Variants in BTBD9 observed in about 807,000 individuals in gnomAD.
BTBD9 encodes BTB domain containing 9.
Under a neutral mutation model 64.3 loss-of-function variants are expected in BTBD9, and 49 were observed. The observed-to-expected ratio is 0.76, with a 90% CI of 0.61 to 0.97. BTBD9 has a LOEUF of 0.97. Among genes scored for constraint, BTBD9 ranks in the 50% least tolerant of loss-of-function variants. BTBD9 has a pLI of 0.00. For missense variants in BTBD9, 598 were observed against 762.1 expected (o/e 0.78, Z 2.53); for synonymous variants, 260 against 274.7 (o/e 0.95, Z 0.53).
chr6:38,180,495 A>C (rs925161975), intron 10 of BTBD9, among the ~76,000 whole-genome samples: 2 of 152,164 alleles, frequency 1.3e-5, no homozygotes, highest in Non-Finnish European at 2.9e-5. Context: ...CAAGCTCCTC[A>C]GCCCACTTCT....
intron 6 of BTBD9, among the ~76,000 whole-genome samples, chr6:38,546,542 C>T (rs563056202): frequency 6.6e-6 from 1 of 152,206 alleles, no homozygotes; most frequent in Non-Finnish European, 1.5e-5. Flanking sequence ...CCATTTTGAG[C>T]AAGTATATTA....
chr6:38,410,306 A>T (rs969467473), intron 6 of BTBD9, among the ~76,000 whole-genome samples: 1 of 151,890 alleles, frequency 6.6e-6, no homozygotes, highest in African/African-American at 2.4e-5. Context: ...AGACCCCCAC[A>T]TCTACAAAAA....
intron 6 of BTBD9, among the ~76,000 whole-genome samples, chr6:38,501,584 A>G (rs1232397518): frequency 6.6e-6 from 1 of 152,150 alleles, no homozygotes; most frequent in African/African-American, 2.4e-5. Context: ...CCCTTGGTGT[A>G]TAAGAGAGCA....
At chr6:38,479,699 G>A (rs1449751328) in intron 6 of BTBD9, among the ~76,000 whole-genome samples, 5 of 152,134 alleles carry the variant, frequency 3.3e-5, no homozygotes, top group Admixed American at 2.6e-4. Context: ...CAAGCCTCAA[G>A]TTATAGGGGG....
chr6:38,548,142 T>A (rs1159271074), intron 6 of BTBD9, among the ~76,000 whole-genome samples: 1 of 152,204 alleles, frequency 6.6e-6, no homozygotes, highest in Non-Finnish European at 1.5e-5. Flanking sequence ...TTGCAGCAAA[T>A]CTATAAGTAT....
chr6:38,359,861 G>T (rs1021455381), intron 6 of BTBD9, among the ~76,000 whole-genome samples: 1 of 151,530 alleles, frequency 6.6e-6, no homozygotes, highest in African/African-American at 2.4e-5. Flanking sequence ...TTCATCACTT[G>T]ATCTCTCCTA....
At chr6:38,535,147 C>G (rs867528228) in intron 6 of BTBD9, among the ~76,000 whole-genome samples, 9 of 152,172 alleles carry the variant, frequency 5.9e-5, no homozygotes, top group Non-Finnish European at 1.0e-4. Context: ...ACTATTAGAA[C>G]TGATCAATTC....
chr6:38,303,455 T>C (rs949049038), intron 7 of BTBD9, among the ~76,000 whole-genome samples: 1 of 152,136 alleles, frequency 6.6e-6, no homozygotes, highest in Non-Finnish European at 1.5e-5. Flanking sequence ...CTTAACACTG[T>C]TTTTATGAAA....
chr6:38,303,851 A>G (rs1177039756), intron 7 of BTBD9, among the ~76,000 whole-genome samples: 20 of 110,586 alleles, frequency 1.8e-4, no homozygotes, highest in African/African-American at 7.5e-4. Context: ...ATATATATAT[A>G]TATATATATA....
intron 7 of BTBD9, among the ~76,000 whole-genome samples, chr6:38,292,456 T>A (rs1761998569): frequency 6.6e-6 from 1 of 152,222 alleles, no homozygotes; most frequent in Admixed American, 6.5e-5. Context: ...TGGGCTTTTT[T>A]TTGGTTGGTA....
At chr6:38,499,948 T>G (rs1328966076) in intron 6 of BTBD9, among the ~76,000 whole-genome samples, 1 of 152,240 alleles carries the variant, frequency 6.6e-6, no homozygotes, top group Non-Finnish European at 1.5e-5. Flanking sequence ...CATCTTAAGC[T>G]GAGCTCCGTA....
chr6:38,444,092 T>C (rs1237696174), intron 6 of BTBD9, among the ~76,000 whole-genome samples: 1 of 152,224 alleles, frequency 6.6e-6, no homozygotes, highest in Non-Finnish European at 1.5e-5. Flanking sequence ...TCTTTGTCCA[T>C]ACCTTTTTGC....
chr6:38,330,595 A>T (rs1259470431), intron 7 of BTBD9, among the ~76,000 whole-genome samples: 5 of 152,218 alleles, frequency 3.3e-5, no homozygotes, highest in Non-Finnish European at 7.3e-5. Context: ...AAACTTGACA[A>T]GCCGATTTTC....
chr6:38,310,091 TCCGCA>T (rs1377764872), intron 7 of BTBD9, among the ~76,000 whole-genome samples: 1 of 152,090 alleles, frequency 6.6e-6, no homozygotes, highest in African/African-American at 2.4e-5. Flanking sequence ...GGAAAGAATC[TCCGCA>T]GATCTCATGA....
chr6:38,281,489 A>G (rs980083970), intron 8 of BTBD9, among the ~76,000 whole-genome samples: 1 of 152,176 alleles, frequency 6.6e-6, no homozygotes, highest in Non-Finnish European at 1.5e-5. Context: ...TATCTACTTA[A>G]TAACTACAAG....
chr6:38,265,633 T>G (rs1764946490), intron 8 of BTBD9, among the ~76,000 whole-genome samples: 2 of 151,180 alleles, frequency 1.3e-5, no homozygotes, highest in Admixed American at 6.6e-5. Context: ...TCCTCCCACC[T>G]CAGCCTCCCA....
At chr6:38,558,929 G>A (rs921637937) in intron 6 of BTBD9, among the ~76,000 whole-genome samples, 20 of 152,206 alleles carry the variant, frequency 1.3e-4, no homozygotes, top group East Asian at 9.6e-4. Flanking sequence ...CTCCTCCATC[G>A]TTTGGAATCA....
At chr6:38,317,610 T>G (rs543301490) in intron 7 of BTBD9, among the ~76,000 whole-genome samples, 5 of 152,216 alleles carry the variant, frequency 3.3e-5, no homozygotes, top group Non-Finnish European at 4.4e-5. Flanking sequence ...ACCTCCTCTT[T>G]AAGGCCAATA....
intron 6 of BTBD9, among the ~76,000 whole-genome samples, chr6:38,536,967 G>GT (rs962255631): frequency 1.3e-5 from 2 of 152,054 alleles, no homozygotes; most frequent in African/African-American, 2.4e-5. Context: ...GGCTAAAAGA[G>GT]TATCACTGGA....
Sources: allele counts gnomAD v4.1 joint callset (sites outside exome capture counted in the v4.1 genomes callset), GRCh38; gene constraint gnomAD v4.1.1; transcripts MANE v1.5; gene names NCBI Gene and HGNC (gene_info 2026-07-23, HGNC 2026-07-21).